Variants in FGD4 observed in about 807,000 individuals in gnomAD.
The protein encoded by FGD4 is FYVE, RhoGEF and PH domain-containing protein 4.
In FGD4, 42 loss-of-function variants were observed where a neutral mutation model predicts 102.0. The observed-to-expected ratio is 0.41, with a 90% CI of 0.32 to 0.53. FGD4 has a LOEUF of 0.53. FGD4 is among the 20% of genes least tolerant of loss of function. The pLI is 0.21. For synonymous variants in FGD4, 380 were observed against 375.7 expected, an observed-to-expected ratio of 1.01 and a Z score of -0.13; for missense variants, 902 against 1,078.2, an observed-to-expected ratio of 0.84 and a Z score of 2.29.
At chr12:32,407,037 T>C (rs1940964452) in intron 1 of FGD4, among the ~76,000 whole-genome samples, 1 of 151,432 alleles carries the variant, frequency 6.6e-6, no homozygotes, top group Non-Finnish European at 1.5e-5. Context: ...GGTCTTGAAC[T>C]CCTGACCTCG....
intron 1 of FGD4, among the ~76,000 whole-genome samples, chr12:32,524,352 C>T (rs1940892322): frequency 7.2e-6 from 1 of 138,860 alleles, no homozygotes; most frequent in African/African-American, 2.7e-5. Flanking sequence ...GCCGAGATCG[C>T]GCCATTGCAC....
chr12:32,434,618 T>C (rs1942163948), intron 1 of FGD4, among the ~76,000 whole-genome samples: 1 of 152,232 alleles, frequency 6.6e-6, no homozygotes, highest in Non-Finnish European at 1.5e-5. Flanking sequence ...CTTTTGTGAT[T>C]CCAGTAGCTC....
intron 1 of FGD4, among the ~76,000 whole-genome samples, chr12:32,535,232 G>A (rs1169104493): frequency 6.6e-6 from 1 of 152,112 alleles, no homozygotes; most frequent in Non-Finnish European, 1.5e-5. Flanking sequence ...ATTCGTTTTT[G>A]ACTGGATATA....
intron 1 of FGD4, among the ~76,000 whole-genome samples, chr12:32,440,990 T>C (rs774481874): frequency 6.6e-6 from 1 of 152,168 alleles, no homozygotes; most frequent in Non-Finnish European, 1.5e-5. Context: ...GCCCAAGGTC[T>C]CTTAAGTCAG....
At chr12:32,426,634 G>A (rs187517454) in intron 1 of FGD4, among the ~76,000 whole-genome samples, 1 of 152,282 alleles carries the variant, frequency 6.6e-6, no homozygotes, top group Non-Finnish European at 1.5e-5. Context: ...GTTTCGGAAG[G>A]AATGGTACCA....
At chr12:32,540,500 A>G (rs1462175400) in intron 1 of FGD4, among the ~76,000 whole-genome samples, 1 of 152,018 alleles carries the variant, frequency 6.6e-6, no homozygotes, top group Non-Finnish European at 1.5e-5. Flanking sequence ...AGGGGTGCAT[A>G]GTTCTGAGTA....
In FGD4 at chr12:32,576,424, C is replaced by T. The variant is rs765238074; in HGVS notation, c.478C>T (p.Leu160Phe). The change falls in exon 3 of 17, where the codon CTC (leucine) becomes TTC (phenylalanine). Residue 160 changes from leucine (L) to phenylalanine (F), a missense_variant. Leu to Phe is a conservative substitution (Grantham distance 22, BLOSUM62 0). Transcript: ENST00000534526. ...AGAAAAACCCAGTAAGGTATCAGATCTCATCAGTCGCTTTGAAGGAGGCAG... is the reference window on the plus strand; with the variant it reads ...AGAAAAACCCAGTAAGGTATCAGATTTCATCAGTCGCTTTGAAGGAGGCAG... ...SKEKPSKVSD[L>F]ISRFEGGSSL... 3.7e-6 allele frequency: 6 copies of T among 1,614,010 alleles called. No homozygotes were observed. The Admixed American group carries it at 1.0e-4, about 27-fold the overall frequency.
intron 1 of FGD4, among the ~76,000 whole-genome samples, chr12:32,439,843 G>C (rs1942368426): frequency 6.6e-6 from 1 of 151,914 alleles, no homozygotes; most frequent in Non-Finnish European, 1.5e-5. Flanking sequence ...AGATCCTGTA[G>C]GTGTGCTTCA....
intron 1 of FGD4, among the ~76,000 whole-genome samples, chr12:32,409,220 A>G (rs552951804): frequency 2.6e-5 from 4 of 151,068 alleles, no homozygotes; most frequent in East Asian, 3.9e-4. Flanking sequence ...TTTTTGGCCT[A>G]TTTCTCAACA....
chr12:32,474,066 T>A lies in FGD4; in HGVS notation c.166+74107T>A, dbSNP rs7962302. Reference sequence around the variant, plus strand: ...GCGCGCCACTGCACTCCAGCCTGGGTGACAGTGCGAGACTCTGTCTCAAAA... The same window carrying A: ...GCGCGCCACTGCACTCCAGCCTGGGAGACAGTGCGAGACTCTGTCTCAAAA... On this transcript the variant is annotated intron_variant, in intron 1 of 16. Coordinates refer to ENST00000534526, the MANE Select transcript of FGD4 (RefSeq NM_001370298.3). 2.2e-3 allele frequency among the ~76,000 whole-genome samples: 331 copies of A among 150,932 alleles called. 6 individuals carry two copies. Among genetic ancestry groups the A allele is most frequent in the Non-Finnish European group, 8.4e-4 (57 of 67,766 alleles).
At chr12:32,598,628 A>T in intron 5 of FGD4, 42 bp downstream of exon 5, 4 of 1,514,454 alleles carry the variant, frequency 2.6e-6, no homozygotes, top group Non-Finnish European at 3.7e-6. Context: ...TTTTGGCATT[A>T]TACATCATTT....
rs148196599 is a variant in FGD4 at position 32,580,610 on chromosome 12, G to A, written c.504-1350G>A. Among the ~76,000 whole-genome samples, 13 of 152,210 alleles carry A rather than the reference G, an allele frequency of 8.5e-5. No homozygotes were observed. In the East Asian group the frequency reaches 1.7e-3, roughly 20 times the overall value. On this transcript the variant is annotated intron_variant, in intron 3 of 16. Coordinates refer to ENST00000534526, the MANE Select transcript of FGD4 (RefSeq NM_001370298.3). ...TAGATTAAAATCTGTACAAATGGCC[G>A]GGCGCGGTGGCTCATGCCTATAATC...
intron 14 of FGD4, among the ~76,000 whole-genome samples, chr12:32,627,844 A>T (rs1296404267): frequency 1.3e-5 from 2 of 152,210 alleles, no homozygotes; most frequent in East Asian, 3.8e-4. Flanking sequence ...AAAGAGCAGG[A>T]AAGCTAGGAA....
chr12:32,627,328 GTA>G (rs1950241475), intron 14 of FGD4, among the ~76,000 whole-genome samples: 1 of 151,562 alleles, frequency 6.6e-6, no homozygotes, highest in Admixed American at 6.6e-5. Context: ...CTAATTTTTT[GTA>G]TCTTTAGTAC....
At chr12:32,623,871 T>C (rs571794770) in intron 11 of FGD4, among the ~76,000 whole-genome samples, 3 of 152,334 alleles carry the variant, frequency 2.0e-5, no homozygotes, top group African/African-American at 7.2e-5. Flanking sequence ...TACAGGCATT[T>C]AAAATTTTTA....
At chr12:32,622,948 A>G (rs555328849) in intron 11 of FGD4, among the ~76,000 whole-genome samples, 9 of 152,338 alleles carry the variant, frequency 5.9e-5, no homozygotes, top group African/African-American at 2.2e-4. Context: ...TCAGAGTGCC[A>G]TAGGAATTAT....
At chr12:32,505,669 G>T (rs1239615627) in intron 1 of FGD4, among the ~76,000 whole-genome samples, 1 of 152,164 alleles carries the variant, frequency 6.6e-6, no homozygotes, top group Non-Finnish European at 1.5e-5. Context: ...TTACATGAGG[G>T]CGCCTAGCAT....
chr12:32,492,544 ATT>A (rs1409132673), intron 1 of FGD4, among the ~76,000 whole-genome samples: 2 of 152,216 alleles, frequency 1.3e-5, no homozygotes, highest in Non-Finnish European at 2.9e-5. Flanking sequence ...TGCAACTCAT[ATT>A]TTAAGTATAC....
chr12:32,600,208 T>C (rs1348620853), intron 5 of FGD4, among the ~76,000 whole-genome samples: 2 of 152,242 alleles, frequency 1.3e-5, no homozygotes, highest in Non-Finnish European at 1.5e-5. Context: ...TTCTTCCTTA[T>C]GGGAATTACA....
Sources: gnomAD v4.1 joint callset for allele counts (sites outside exome capture counted in the v4.1 genomes callset) on GRCh38, gnomAD v4.1.1 for gene constraint, MANE v1.5 for transcripts, NCBI Gene and HGNC (gene_info 2026-07-23, HGNC 2026-07-21) for gene names.